JPH3: variants seen among roughly 807,000 people sequenced by gnomAD.
JPH3 encodes the protein junctophilin 3, also known as junctophilin-3.
In JPH3, 11 loss-of-function variants were observed where a neutral mutation model predicts 59.6. The observed-to-expected ratio is 0.18, with a 90% CI of 0.12 to 0.31. The LOEUF is 0.31. Ranked by LOEUF, JPH3 falls within the 10% of genes least tolerant of loss-of-function variation. The pLI is 1.00. For synonymous variants in JPH3, 673 were observed against 483.6 expected, an observed-to-expected ratio of 1.39 and a Z score of -5.14; for missense variants, 1,202 against 1,105.7, an observed-to-expected ratio of 1.09 and a Z score of -1.24.
intron 2 of JPH3, among the ~76,000 whole-genome samples, chr16:87,664,364 G>A (rs959960386): frequency 2.0e-4 from 30 of 150,306 alleles, no homozygotes; most frequent in Non-Finnish European, 2.5e-4. Flanking sequence ...CCCGTCAGGC[G>A]CGGTGGCTCA....
chr16:87,636,232 C>CTGGGG (rs1025173295), intron 1 of JPH3, among the ~76,000 whole-genome samples: 2 of 152,066 alleles, frequency 1.3e-5, no homozygotes, highest in African/African-American at 2.4e-5. Flanking sequence ...ACCACGTGCC[C>CTGGGG]TGGGGTGGGG....
At position 87,611,550 on chromosome 16, in the gene JPH3, C is replaced by G. The variant is rs949602734; in HGVS notation, c.382+8022C>G. Among the ~76,000 whole-genome samples, 1 of 152,188 alleles carries G rather than the reference C, an allele frequency of 6.6e-6. No individual in the cohort carries two copies. ...GGTATTGTTCTGGACCCAGGGAAGGCTCGCTGGTGCAAATGCTTTCCAAAA... is the reference window on the plus strand; with the variant it reads ...GGTATTGTTCTGGACCCAGGGAAGGGTCGCTGGTGCAAATGCTTTCCAAAA... On this transcript the variant is annotated intron_variant, in intron 1 of 4. Coordinates refer to ENST00000284262, the MANE Select transcript of JPH3 (RefSeq NM_020655.4). The surrounding 1 kb of genome is among the most constrained non-coding windows in gnomAD (Gnocchi z 4.5).
intron 2 of JPH3, among the ~76,000 whole-genome samples, chr16:87,647,678 C>G (rs964878625): frequency 5.3e-5 from 8 of 152,170 alleles, no homozygotes; most frequent in Non-Finnish European, 4.4e-5. Flanking sequence ...CCCGCCATGT[C>G]CTGCTGTCCA....
At chr16:87,677,981 T>C (rs1036261055) in intron 2 of JPH3, among the ~76,000 whole-genome samples, 1 of 152,178 alleles carries the variant, frequency 6.6e-6, no homozygotes, top group African/African-American at 2.4e-5. Flanking sequence ...AGGCTGGGTG[T>C]GGTGGCTCCC....
intron 1 of JPH3, chr16:87,604,293 G>T: frequency 7.4e-7 from 1 of 1,353,704 alleles, no homozygotes. Flanking sequence ...GCTGCCTGCT[G>T]CTGCTGCTGC....
chr16:87,653,603 A>T (rs150749371), intron 2 of JPH3: 1 of 152,244 alleles, frequency 6.6e-6, no homozygotes, highest in African/African-American at 2.4e-5. Flanking sequence ...ACAGCCTCGT[A>T]AAAATATTAA....
At chr16:87,633,262 C>T (rs1451804504) in intron 1 of JPH3, among the ~76,000 whole-genome samples, 2 of 151,792 alleles carry the variant, frequency 1.3e-5, no homozygotes, top group Non-Finnish European at 2.9e-5. Flanking sequence ...CATAGAAAGA[C>T]ACCAGGCCTA....
intron 1 of JPH3, among the ~76,000 whole-genome samples, chr16:87,639,515 C>T (rs750170545): frequency 2.7e-4 from 41 of 152,084 alleles, no homozygotes; most frequent in Non-Finnish European, 5.1e-4. Context: ...TCACGCTGTT[C>T]AACCGTCACC....
intron 1 of JPH3, among the ~76,000 whole-genome samples, chr16:87,606,401 A>G (rs2150819747): frequency 6.6e-6 from 1 of 152,354 alleles, no homozygotes; most frequent in South Asian, 2.1e-4. Context: ...CACCTGTGCC[A>G]ACTCCTCCTC....
intron 1 of JPH3, among the ~76,000 whole-genome samples, chr16:87,633,588 G>C (rs1284758422): frequency 6.6e-6 from 1 of 151,954 alleles, no homozygotes; most frequent in African/African-American, 2.4e-5. Flanking sequence ...GAGTACCTGA[G>C]GGCAGTTTGA....
In JPH3 at chr16:87,652,174, A is replaced by G. The variant is rs527503945; in HGVS notation, c.1160+7139A>G. 1.6e-3 allele frequency among the ~76,000 whole-genome samples: 238 copies of G among 152,082 alleles called. 1 individual carries two copies. The highest frequency in any genetic ancestry group is 6.8e-3 in the Middle Eastern group (2 of 294). On this transcript the variant is annotated intron_variant, in intron 2 of 4. Transcript: ENST00000284262. ...GTATTTTTAGTAGAGATGGGGTTTC[A>G]CCGTATTAGCTAGGATGGTCTCGAT...
At chr16:87,685,089 A>G (rs1015181427) in intron 3 of JPH3, among the ~76,000 whole-genome samples, 2 of 152,084 alleles carry the variant, frequency 1.3e-5, no homozygotes, top group Non-Finnish European at 2.9e-5. Flanking sequence ...CTTGCTCGCA[A>G]CGCCTGCCAC....
rs2032060745 is a variant in JPH3 at position 87,644,358 on chromosome 16, G to A, written c.483G>A (p.Arg161=). ...CCGCGGTCATCCGCTCACCCCTGAG[G>A]ACGTCCATCAACTCCCTGCGCAGCG... ...GMAAVIRSPL[R]TSINSLRSEH... The change falls in exon 2 of 5, where the codon AGG becomes AGA. Residue 161 remains arginine, a synonymous_variant. Transcript: ENST00000284262. The A allele has an allele frequency of 6.2e-7, 1 of 1,612,974 alleles. No homozygotes were observed. The highest frequency in any genetic ancestry group is 2.2e-5 in the East Asian group (1 of 44,860).
chr16:87,629,257 T>C (rs1017060638), intron 1 of JPH3, among the ~76,000 whole-genome samples: 1 of 152,162 alleles, frequency 6.6e-6, no homozygotes, highest in African/African-American at 2.4e-5. Context: ...ACTGCTGGGC[T>C]ACTGCTGCGG....
chr16:87,657,977 G>A (rs773627990), intron 2 of JPH3, among the ~76,000 whole-genome samples: 7 of 152,162 alleles, frequency 4.6e-5, no homozygotes, highest in African/African-American at 9.7e-5. Flanking sequence ...CAGTGGTCAC[G>A]CTCCAGGACA....
At chr16:87,635,224 G>A (rs67977951) in intron 1 of JPH3, among the ~76,000 whole-genome samples, 46,033 of 151,974 alleles carry the variant, frequency 0.3, 7,179 homozygotes, top group Non-Finnish European at 0.34. Context: ...CCTCTCAGGT[G>A]CTCTTTGGAG....
At chr16:87,683,825 T>C (rs1192660742) in intron 2 of JPH3, 1 of 282,592 alleles carries the variant, frequency 3.5e-6, no homozygotes, top group Non-Finnish European at 6.6e-6. Context: ...AGGCTGGTCG[T>C]GAACGCCTGA....
chr16:87,669,850 G>A (rs2032969455), intron 2 of JPH3, among the ~76,000 whole-genome samples: 1 of 152,108 alleles, frequency 6.6e-6, no homozygotes, highest in Non-Finnish European at 1.5e-5. Flanking sequence ...TCCGTTGTGT[G>A]TTAGGGGACC....
Position 87,690,359 on chromosome 16 carries a change from C to A in JPH3, c.1999C>A (p.Pro667Thr). 2 of 1,553,906 alleles carry A rather than the reference C, an allele frequency of 1.3e-6. No homozygotes were observed. Among genetic ancestry groups the A allele is most frequent in the Non-Finnish European group, 1.7e-6 (2 of 1,152,654 alleles). The change falls in exon 4 of 5, where the codon CCG (proline) becomes ACG (threonine). Residue 667 changes from proline to threonine, a missense_variant. Coordinates refer to ENST00000284262, the MANE Select transcript of JPH3 (RefSeq NM_020655.4). ...GGCCCAGAACAAGGAGAACTTCAGG[C>A]CGGCCTCCTCCGCGGAGCCCGCCGT... ...SKAQNKENFR[P>T]ASSAEPAVQK... is the part of the protein sequence containing the mutation.
Sources: allele counts gnomAD v4.1 joint callset (sites outside exome capture counted in the v4.1 genomes callset), GRCh38; gene constraint gnomAD v4.1.1; non-coding constraint Gnocchi (gnomAD v3.1); transcripts MANE v1.5; gene names NCBI Gene and HGNC (gene_info 2026-07-23, HGNC 2026-07-21).